Variants in ANK3 observed in about 807,000 individuals in gnomAD.
ANK3 encodes ankyrin-3.
ANK3 carries 57 observed loss-of-function variants against 370.9 expected under a neutral mutation model. The observed-to-expected ratio is 0.15, with a 90% CI of 0.12 to 0.19. The LOEUF is 0.19. Among genes scored for constraint, ANK3 ranks in the 10% least tolerant of loss-of-function variants. The pLI is 1.00. For synonymous variants in ANK3, 1,929 were observed against 1,946.3 expected (o/e 0.99, Z 0.23); for missense variants, 4,439 against 5,302.1 (o/e 0.84, Z 5.06).
chr10:60,269,102 C>CT (rs1450259566), intron 5 of ANK3, among the ~76,000 whole-genome samples: 3 of 152,190 alleles, frequency 2.0e-5, no homozygotes, highest in African/African-American at 7.2e-5. Context: ...AACCCTGCAT[C>CT]TGCCCTAATT....
At chr10:60,571,091 G>A (rs2077586656) in intron 2 of ANK3, among the ~76,000 whole-genome samples, 2 of 139,214 alleles carry the variant, frequency 1.4e-5, no homozygotes, top group Admixed American at 1.6e-4. Context: ...GTGCCACTAT[G>A]CTAGGCATTA....
intron 2 of ANK3, among the ~76,000 whole-genome samples, chr10:60,512,703 T>A (rs939404007): frequency 6.6e-6 from 1 of 152,156 alleles, no homozygotes; most frequent in Non-Finnish European, 1.5e-5. Flanking sequence ...AATAAGATTT[T>A]TTAGAATATT....
At chr10:60,338,960 C>T (rs1348309426) in intron 1 of ANK3, among the ~76,000 whole-genome samples, 2 of 152,024 alleles carry the variant, frequency 1.3e-5, no homozygotes, top group African/African-American at 4.8e-5. Flanking sequence ...GTCTGGAAGC[C>T]ATGAAGTCTT....
At chr10:60,733,408 G>C (rs929369795) in exon 1 of ANK3, 4 of 1,163,268 alleles carry the variant, frequency 3.4e-6, no homozygotes, top group Non-Finnish European at 3.2e-6. Context: ...GGGACTTCTT[G>C]GGAAAAAGTT....
intron 26 of ANK3, among the ~76,000 whole-genome samples, chr10:60,111,025 G>A (rs375829177): frequency 1.3e-5 from 2 of 152,162 alleles, no homozygotes; most frequent in African/African-American, 2.4e-5. Context: ...AAATAGGGAC[G>A]TGATAAATGC....
chr10:60,437,377 A>G lies in ANK3; in HGVS notation c.97-157738T>C, dbSNP rs550597257. Among the ~76,000 whole-genome samples the G allele has an allele frequency of 3.8e-4, 58 of 152,314 alleles. No individual in the cohort carries two copies. In the South Asian group the frequency reaches 0.011, roughly 30 times the overall value. ...CAGCTGAAGACACTTCAAAGAAGAA[A>G]AGATACAAGAAAGACCTTTAGCATG... is the stretch of plus-strand genomic sequence containing the variant. On this transcript the variant is annotated intron_variant, in intron 2 of 43. Transcript: ENST00000373827.
At chr10:60,117,950 AGT>A (rs2093216241) in intron 25 of ANK3, among the ~76,000 whole-genome samples, 1 of 152,254 alleles carries the variant, frequency 6.6e-6, no homozygotes, top group Non-Finnish European at 1.5e-5. Context: ...GAGGATACGA[AGT>A]GTGCATAGGG....
chr10:60,309,731 A>G (rs2132841190), intron 1 of ANK3, among the ~76,000 whole-genome samples: 1 of 152,304 alleles, frequency 6.6e-6, no homozygotes, highest in Middle Eastern at 3.4e-3. Context: ...AGCTGTAGAA[A>G]TATACCAATC....
intron 8 of ANK3, among the ~76,000 whole-genome samples, chr10:60,226,318 ACT>A (rs2097141072): frequency 3.8e-5 from 4 of 106,406 alleles, no homozygotes; most frequent in South Asian, 5.7e-4. Context: ...TACTATATAT[ACT>A]ATGTATATAT....
rs77492937 is a variant in ANK3 at position 60,561,502 on chromosome 10, T to C, written c.96+53684A>G. Reference sequence around the variant, plus strand: ...AGTAAAATAAAAGTTCATCATTCATTCACTCAGCAAAAATTCACAGGATGC... The same window carrying C: ...AGTAAAATAAAAGTTCATCATTCATCCACTCAGCAAAAATTCACAGGATGC... On this transcript the variant is annotated intron_variant, in intron 2 of 43. Coordinates refer to the ANK3 transcript ENST00000373827. Among the ~76,000 whole-genome samples the C allele has an allele frequency of 1.5e-3, 223 of 152,348 alleles. 1 individual carries two copies. Among genetic ancestry groups the C allele is most frequent in the African/African-American group, 5.1e-3 (211 of 41,588 alleles).
At chr10:60,697,785 T>C (rs1341134546) in intron 1 of ANK3, among the ~76,000 whole-genome samples, 7 of 152,184 alleles carry the variant, frequency 4.6e-5, no homozygotes, top group Admixed American at 1.3e-4. Flanking sequence ...ATGTTAGACC[T>C]AAAACTATAA....
chr10:60,439,240 T>A lies in ANK3; in HGVS notation c.97-159601A>T, dbSNP rs183880459. Reference sequence around the variant, plus strand: ...TGGCTCCACTGTAAAAATGACTCAATGTGGTGGCTCCCTGTAGCTAACTTC... The same window carrying A: ...TGGCTCCACTGTAAAAATGACTCAAAGTGGTGGCTCCCTGTAGCTAACTTC... On this transcript the variant is annotated intron_variant, in intron 2 of 43. Coordinates refer to the ANK3 transcript ENST00000373827. Among the ~76,000 whole-genome samples, 68 of 152,256 alleles carry A rather than the reference T, an allele frequency of 4.5e-4. 1 individual carries two copies. The East Asian group carries it at 0.012, about 26-fold the overall frequency.
chr10:60,505,103 C>T (rs1218377388), intron 2 of ANK3, among the ~76,000 whole-genome samples: 2 of 152,044 alleles, frequency 1.3e-5, no homozygotes, highest in African/African-American at 4.8e-5. Flanking sequence ...CTCTCTACCC[C>T]CAATGACAAA....
Position 60,070,573 on chromosome 10 carries a change from A to C in ANK3, c.10308T>G (p.Ile3436Met). 6.2e-7 allele frequency: 1 copy of C among 1,614,080 alleles called. No homozygotes were observed. The change falls in exon 37 of 44, where the codon ATT becomes ATG. Residue 3436 changes from isoleucine (I) to methionine (M), a missense_variant. By Grantham distance (10) the Ile-to-Met change is conservative. Transcript: ENST00000280772. This position sits in a 1 kb window ranked among gnomAD's most constrained non-coding sequence, Gnocchi z 5.7. ...GLTESDSKLP[I>M]QAMEIKKDIW... is the part of the protein sequence containing the mutation. The stretch of plus-strand genomic sequence containing the variant: ...TATCTTTCTTAATTTCCATGGCTTG[A>C]ATTGGGAGTTTAGAATCACTCTCTG...
intron 1 of ANK3, among the ~76,000 whole-genome samples, chr10:60,630,975 T>C (rs567940336): frequency 6.6e-6 from 1 of 152,060 alleles, no homozygotes; most frequent in Non-Finnish European, 1.5e-5. Context: ...AGATCTACCC[T>C]GGAGGCAGAG....
chr10:60,421,626 C>A (rs1203950830), intron 2 of ANK3, among the ~76,000 whole-genome samples: 1 of 151,838 alleles, frequency 6.6e-6, no homozygotes, highest in Non-Finnish European at 1.5e-5. Flanking sequence ...TCCCTTGACT[C>A]CCTAGGAGTT....
chr10:60,129,755 A>G (rs2093964240), intron 25 of ANK3, among the ~76,000 whole-genome samples: 1 of 151,656 alleles, frequency 6.6e-6, no homozygotes, highest in Non-Finnish European at 1.5e-5. Flanking sequence ...TCTGTCACAC[A>G]CACACACACA....
chr10:60,029,912 AC>A (rs2072996046), intron 43 of ANK3, 86 bp from the exon 44 acceptor site: 1 of 102,678 alleles, frequency 9.7e-6, no homozygotes, highest in Non-Finnish European at 1.8e-5. Context: ...TTTTAAGACA[AC>A]TAGTGTAAGC....
At chr10:60,553,372 T>C (rs2077134021) in intron 2 of ANK3, among the ~76,000 whole-genome samples, 1 of 150,512 alleles carries the variant, frequency 6.6e-6, no homozygotes, top group African/African-American at 2.4e-5. Context: ...ATAAATCTCA[T>C]AGACTATACC....
Sources: allele counts gnomAD v4.1 joint callset (sites outside exome capture counted in the v4.1 genomes callset), GRCh38; gene constraint gnomAD v4.1.1; non-coding constraint Gnocchi (gnomAD v3.1); transcripts MANE v1.5; gene names NCBI Gene and HGNC (gene_info 2026-07-23, HGNC 2026-07-21).